CTSL: variants seen among roughly 807,000 people sequenced by gnomAD.
The protein encoded by CTSL is cathepsin L.
In CTSL, 23 loss-of-function variants were observed where a neutral mutation model predicts 34.7. The observed-to-expected ratio is 0.66, with a 90% confidence interval of 0.48 to 0.94. The LOEUF is 0.94. Ranked by LOEUF, CTSL falls within the 40% of genes least tolerant of loss-of-function variation. The probability of loss-of-function intolerance (pLI) is 0.00; values close to 1 mark genes in which losing one functional copy is unlikely to be tolerated. For missense variants in CTSL, 361 were observed against 406.3 expected (o/e 0.89, Z 0.96); for synonymous variants, 129 against 136.7 (o/e 0.94, Z 0.39).
At chr9:87,727,801 G>A in intron 2 of CTSL, 72 bp downstream of exon 2, 1 of 1,575,378 alleles carries the variant, frequency 6.3e-7, no homozygotes, top group Non-Finnish European at 8.7e-7. Context: ...GCTTCTAGAG[G>A]CCAGCTTTTA....
At chr9:87,729,824 C>A in intron 6 of CTSL, 89 bp downstream of exon 6, 2 of 1,328,016 alleles carry the variant, frequency 1.5e-6, no homozygotes, top group South Asian at 2.9e-5. Flanking sequence ...AAGTAAAGTT[C>A]AGTGTAGATA....
At chr9:87,730,295 T>C (rs1826207421) in intron 6 of CTSL, 86 bp from the exon 7 acceptor site, 3 of 749,572 alleles carry the variant, frequency 4.0e-6, no homozygotes, top group Non-Finnish European at 6.5e-6. Flanking sequence ...AATTCAGAGA[T>C]GCCTCATTCC....
At chr9:87,730,939 G>T in intron 7 of CTSL, 69 bp from the exon 8 acceptor site, 2 of 1,246,674 alleles carry the variant, frequency 1.6e-6, no homozygotes, top group South Asian at 1.3e-5. Flanking sequence ...TGTTTAAGTT[G>T]GGTGTTCCTG....
Position 87,728,029 on chromosome 9 carries a change from TGAA to T in CTSL, c.134_136del (p.Glu45del). The T allele has an allele frequency of 6.2e-7, 1 of 1,613,582 alleles. No homozygotes were observed. Among genetic ancestry groups the T allele is most frequent in the Non-Finnish European group, 8.5e-7 (1 of 1,179,868 alleles). ...ATCAGTTACATGTTTGCCTCTAGAA[TGAA>T]GAAGGATGGAGGAGAGCAGTGTGGG... On this transcript the variant is annotated inframe_deletion, in exon 3 of 8. Transcript: ENST00000343150.
intron 7 of CTSL, 46 bp from the exon 8 acceptor site, chr9:87,730,962 T>G: frequency 6.5e-7 from 1 of 1,529,788 alleles, no homozygotes; most frequent in Non-Finnish European, 9.1e-7. Flanking sequence ...AATAACCCTT[T>G]GGGCTTTATT....
chr9:87,729,280 T>G (rs1280170758), intron 5 of CTSL, among the ~76,000 whole-genome samples: 1 of 152,236 alleles, frequency 6.6e-6, no homozygotes, highest in Non-Finnish European at 1.5e-5. Flanking sequence ...GGGTAACATA[T>G]AGCTGTTCTT....
chr9:87,729,086 G>A (rs1564090345), intron 5 of CTSL: 1 of 780,158 alleles, frequency 1.3e-6, no homozygotes, highest in Non-Finnish European at 1.9e-6. Context: ...CTATGCTGAG[G>A]TAGGGCGATT....
Position 87,727,619 on chromosome 9 carries a change from A to G in CTSL, c.16A>G (p.Ile6Val), listed in dbSNP as rs779877631. The change falls in exon 2 of 8, where the codon ATC becomes GTC. Residue 6 changes from isoleucine (I) to valine (V), a missense_variant. Coordinates refer to ENST00000343150, the MANE Select transcript of CTSL (RefSeq NM_001912.5). MNPTL[I>V]LAAFCLGIAS... Reference sequence around the variant, plus strand: ...GTTTTAAAACATGAATCCTACACTCATCCTTGCTGCCTTTTGCCTGGGAAT... The same window carrying G: ...GTTTTAAAACATGAATCCTACACTCGTCCTTGCTGCCTTTTGCCTGGGAAT... 5.0e-6 allele frequency: 8 copies of G among 1,613,924 alleles called. No individual in the cohort carries two copies. Among genetic ancestry groups the G allele is most frequent in the African/African-American group, 1.3e-5 (1 of 74,868 alleles).
chr9:87,727,124 G>A, intron 1 of CTSL, among the ~76,000 whole-genome samples: 1 of 152,164 alleles, frequency 6.6e-6, no homozygotes, highest in East Asian at 1.9e-4. Context: ...GTGTTTGTTA[G>A]TCAGGAAGAT....
rs1188050390 is a variant in CTSL, at chr9:87,728,824, T to C, written c.621+15T>C. The C allele has an allele frequency of 6.2e-7, 1 of 1,614,062 alleles. No homozygotes were observed. Among genetic ancestry groups the C allele is most frequent in the African/African-American group, 1.3e-5 (1 of 74,916 alleles). On this transcript the variant is annotated intron_variant, in intron 5 of 7. Coordinates refer to ENST00000343150, the MANE Select transcript of CTSL (RefSeq NM_001912.5). ...ATGAGGCAACAGTAAGTGGAGCTCC[T>C]TGTCATCATTCCAGCTCAGCTTTTG... is the stretch of plus-strand genomic sequence containing the variant.
At chr9:87,726,672 C>T (rs1826007488) in intron 1 of CTSL, among the ~76,000 whole-genome samples, 1 of 152,184 alleles carries the variant, frequency 6.6e-6, no homozygotes, top group Non-Finnish European at 1.5e-5. Flanking sequence ...AGCACAGGCC[C>T]AAGTGAATGA....
At chr9:87,728,229 T>C in intron 3 of CTSL, 21 bp from the exon 4 acceptor site, 1 of 1,614,118 alleles carries the variant, frequency 6.2e-7, no homozygotes, top group Non-Finnish European at 8.5e-7. Context: ...TTTTCAACAT[T>C]TTATTTCCTT....
Position 87,731,168 on chromosome 9 carries a change from AT to A in CTSL, c.*62del, listed in dbSNP as rs1826248513. 5 of 1,285,886 alleles carry A rather than the reference AT, an allele frequency of 3.9e-6. No homozygotes were observed. The highest frequency in any genetic ancestry group is 4.5e-6 in the Non-Finnish European group (4 of 890,930). The allele number at this position is 1,285,886 out of a possible 1,614,324, so 79.7% of individuals were successfully genotyped here. A position where few individuals can be genotyped will look rare whatever the true frequency, so the allele number is the denominator to read the frequency against. Reference sequence around the variant, plus strand: ...GATGGCGCATGCATGGGAGGAATTCATCTTCAGTCTACCAGCCCCCGCTGTG... The same window carrying A: ...GATGGCGCATGCATGGGAGGAATTCACTTCAGTCTACCAGCCCCCGCTGTG... On this transcript the variant is annotated 3_prime_UTR_variant, in exon 8 of 8. Coordinates refer to ENST00000343150, the MANE Select transcript of CTSL (RefSeq NM_001912.5).
At position 87,729,574 on chromosome 9, in the gene CTSL, A is replaced by T; in HGVS notation, c.623A>T (p.Glu208Val). The T allele has an allele frequency of 6.2e-7, 1 of 1,612,876 alleles. No homozygotes were observed. ...TTTTTTTCCCTTTACCTTTGAAAGG[A>T]AGAATCCTGTAAGTACAATCCCAAG... ...SEESYPYEAT[E>V]ESCKYNPKYS... The change falls in exon 6 of 8, where the codon GAA (glutamate) becomes GTA (valine). Residue 208 changes from glutamate to valine, a missense_variant and splice_region_variant. Coordinates refer to ENST00000343150, the MANE Select transcript of CTSL (RefSeq NM_001912.5).
chr9:87,726,993 C>T (rs967895214), intron 1 of CTSL, among the ~76,000 whole-genome samples: 6 of 151,838 alleles, frequency 4.0e-5, no homozygotes, highest in Admixed American at 3.9e-4. Flanking sequence ...GAGCCGATAT[C>T]GCGCCGTTGA....
chr9:87,727,670 C>A lies in CTSL; in HGVS notation c.67C>A (p.His23Asn). 1 of 1,614,026 alleles carries A rather than the reference C, an allele frequency of 6.2e-7. No individual in the cohort carries two copies. Among genetic ancestry groups the A allele is most frequent in the Non-Finnish European group, 8.5e-7 (1 of 1,179,996 alleles). The change falls in exon 2 of 8, where the codon CAC becomes AAC. Residue 23 changes from histidine to asparagine, a missense_variant. By Grantham distance (68) the His-to-Asn change is moderately conservative (BLOSUM62 1). Transcript: ENST00000343150. Reference sequence around the variant, plus strand: ...TGCCTCAGCTACTCTAACATTTGATCACAGTTTAGAGGCACAGTGGACCAA... The same window carrying A: ...TGCCTCAGCTACTCTAACATTTGATAACAGTTTAGAGGCACAGTGGACCAA... ...GIASATLTFDHSLEAQWTKWK... is the reference protein window; with the variant it reads ...GIASATLTFDNSLEAQWTKWK...
At chr9:87,730,561 G>A (rs2118253912) in intron 7 of CTSL, 63 bp downstream of exon 7, 4 of 1,187,294 alleles carry the variant, frequency 3.4e-6, no homozygotes, top group African/African-American at 1.5e-5. Context: ...TGCAAACAGT[G>A]TTTGGATACA....
chr9:87,727,528 C>G (rs2118223384), intron 1 of CTSL, 66 bp from the exon 2 acceptor site: 1 of 1,507,032 alleles, frequency 6.6e-7, no homozygotes, highest in East Asian at 2.3e-5. Flanking sequence ...CCTAATTTTT[C>G]AGGGGGCAGT....
chr9:87,730,788 C>T (rs1385937013), intron 7 of CTSL, among the ~76,000 whole-genome samples: 1 of 152,202 alleles, frequency 6.6e-6, no homozygotes, highest in Admixed American at 6.5e-5. Flanking sequence ...TTTCCTGTCT[C>T]TGATCTGTAG....
Sources: gnomAD v4.1 joint callset for allele counts (sites outside exome capture counted in the v4.1 genomes callset) on GRCh38, gnomAD v4.1.1 for gene constraint, MANE v1.5 for transcripts, NCBI Gene and HGNC (gene_info 2026-07-23, HGNC 2026-07-21) for gene names.